Variants in DENND1A observed in about 807,000 individuals in gnomAD.
The protein encoded by DENND1A is DENN domain-containing protein 1A.
A neutral mutation model predicts 113.7 loss-of-function variants in DENND1A; 51 were observed. The ratio of observed to expected loss-of-function variants is 0.45; its 90% CI spans 0.36 to 0.57. DENND1A has a LOEUF of 0.57. DENND1A is among the 20% of genes least tolerant of loss of function. The pLI, the probability that DENND1A is intolerant of heterozygous loss-of-function variation, is 0.00. For missense variants in DENND1A, 1,258 were observed against 1,395.9 expected, an observed-to-expected ratio of 0.90 and a Z score of 1.57; for synonymous variants, 565 against 570.8, an observed-to-expected ratio of 0.99 and a Z score of 0.14.
intron 5 of DENND1A, among the ~76,000 whole-genome samples, chr9:123,720,671 T>C (rs555327456): frequency 1.3e-5 from 2 of 152,368 alleles, no homozygotes; most frequent in South Asian, 2.1e-4. Flanking sequence ...AACTTTATCA[T>C]TGCCAACACT....
chr9:123,619,117 T>C (rs1038957214), intron 10 of DENND1A, among the ~76,000 whole-genome samples: 5 of 152,000 alleles, frequency 3.3e-5, no homozygotes, highest in African/African-American at 1.2e-4. Flanking sequence ...CAGCTAATTT[T>C]TGCATTTTTA....
chr9:123,526,484 T>C (rs1415109132), intron 13 of DENND1A, among the ~76,000 whole-genome samples: 1 of 152,158 alleles, frequency 6.6e-6, no homozygotes, highest in Non-Finnish European at 1.5e-5. Context: ...ATGTCTTCCC[T>C]CAGCCCTACA....
intron 5 of DENND1A, among the ~76,000 whole-genome samples, chr9:123,720,257 A>G (rs1478162904): frequency 6.6e-6 from 1 of 152,180 alleles, no homozygotes; most frequent in Non-Finnish European, 1.5e-5. Flanking sequence ...TAAGTCTTGA[A>G]GATAACAACA....
At chr9:123,924,867 G>T (rs1304419924) in intron 1 of DENND1A, among the ~76,000 whole-genome samples, 1 of 152,124 alleles carries the variant, frequency 6.6e-6, no homozygotes, top group Non-Finnish European at 1.5e-5. Flanking sequence ...AATATGCCTA[G>T]GGTTTTCTTG....
rs1304292003 is a variant in DENND1A at position 123,383,787 on chromosome 9, G to A, written c.1887C>T (p.Ile629=). Residue 629 remains isoleucine, a synonymous_variant, in exon 23 of 24, where the codon ATC becomes ATT. Coordinates refer to ENST00000394215, the MANE Select transcript of DENND1A (RefSeq NM_001352964.2). ...VPAPPDRAAS[I]DLLEDVFSNL... ...TGCTGAAGACGTCTTCCAGAAGGTC[G>A]ATGCTGGCAGCCCGGTCAGGGGGAG... is the stretch of plus-strand genomic sequence containing the variant. 26 of 1,614,104 alleles carry A rather than the reference G, an allele frequency of 1.6e-5. No individual in the cohort carries two copies. Among genetic ancestry groups the A allele is most frequent in the Admixed American group, 3.3e-5 (2 of 60,024 alleles).
chr9:123,808,002 G>A (rs960995192), intron 2 of DENND1A, among the ~76,000 whole-genome samples: 1 of 152,204 alleles, frequency 6.6e-6, no homozygotes, highest in African/African-American at 2.4e-5. Flanking sequence ...AAGGCAGGAG[G>A]ATCCCTTGAG....
chr9:123,421,696 A>G (rs1442091477), intron 19 of DENND1A, among the ~76,000 whole-genome samples: 1 of 152,190 alleles, frequency 6.6e-6, no homozygotes, highest in Non-Finnish European at 1.5e-5. Flanking sequence ...TGCAACTAGG[A>G]AATGAGAAGA....
At chr9:123,570,278 G>C (rs1452396735) in intron 12 of DENND1A, among the ~76,000 whole-genome samples, 1 of 152,186 alleles carries the variant, frequency 6.6e-6, no homozygotes, top group African/African-American at 2.4e-5. Context: ...CTCTGAACTA[G>C]AAACATCCAG....
At chr9:123,755,912 G>C (rs962129924) in intron 5 of DENND1A, among the ~76,000 whole-genome samples, 1 of 152,102 alleles carries the variant, frequency 6.6e-6, no homozygotes, top group Non-Finnish European at 1.5e-5. Flanking sequence ...TGTGGGTTTT[G>C]TGTTGTTTTG....
At chr9:123,601,697 A>G (rs1046247906) in intron 11 of DENND1A, among the ~76,000 whole-genome samples, 3 of 152,254 alleles carry the variant, frequency 2.0e-5, no homozygotes, top group African/African-American at 7.2e-5. Context: ...TTGGCATAGT[A>G]TTTTTAAAAA....
chr9:123,693,659 T>C (rs1226814107), intron 5 of DENND1A, among the ~76,000 whole-genome samples: 2 of 152,096 alleles, frequency 1.3e-5, no homozygotes, highest in Non-Finnish European at 2.9e-5. Flanking sequence ...CAAGTTTTCA[T>C]GGCAATAGAG....
chr9:123,821,129 C>T (rs1838392596), intron 2 of DENND1A, among the ~76,000 whole-genome samples: 1 of 152,106 alleles, frequency 6.6e-6, no homozygotes, highest in African/African-American at 2.4e-5. Flanking sequence ...GAATATTGTT[C>T]CAGGTAAGTT....
At chr9:123,867,605 C>T (rs1031684189) in intron 2 of DENND1A, among the ~76,000 whole-genome samples, 7 of 152,096 alleles carry the variant, frequency 4.6e-5, no homozygotes, top group African/African-American at 1.7e-4. Context: ...TCTGTTTTGG[C>T]GGCCCAGCAT....
chr9:123,738,537 A>T (rs560627070), intron 5 of DENND1A, among the ~76,000 whole-genome samples: 118 of 151,926 alleles, frequency 7.8e-4, no homozygotes, highest in Non-Finnish European at 1.4e-3. Flanking sequence ...TTTTCAATAC[A>T]TCTACATACT....
At chr9:123,849,135 A>T (rs538967471) in intron 2 of DENND1A, among the ~76,000 whole-genome samples, 2 of 152,216 alleles carry the variant, frequency 1.3e-5, no homozygotes, top group Non-Finnish European at 2.9e-5. Flanking sequence ...AATGTAGATG[A>T]AACCACCTTA....
chr9:123,773,868 T>C (rs1830087474), intron 3 of DENND1A, among the ~76,000 whole-genome samples: 1 of 152,122 alleles, frequency 6.6e-6, no homozygotes, highest in Admixed American at 6.6e-5. Flanking sequence ...AAAAACATGG[T>C]GCAGGAAAAC....
intron 2 of DENND1A, among the ~76,000 whole-genome samples, chr9:123,857,377 G>A (rs1337908347): frequency 6.6e-6 from 1 of 152,164 alleles, no homozygotes. Flanking sequence ...TAAGAAAGGA[G>A]TAAGTCCAAA....
At chr9:123,471,135 G>A (rs1408430790) in intron 13 of DENND1A, among the ~76,000 whole-genome samples, 1 of 152,162 alleles carries the variant, frequency 6.6e-6, no homozygotes, top group East Asian at 1.9e-4. Context: ...TCTTTACGAG[G>A]TCTGCCACAA....
intron 4 of DENND1A, among the ~76,000 whole-genome samples, chr9:123,768,531 C>A (rs1165436266): frequency 6.6e-6 from 1 of 152,090 alleles, no homozygotes. Context: ...TTATAGCTTT[C>A]TTGGACCATA....
Sources: allele counts gnomAD v4.1 joint callset (sites outside exome capture counted in the v4.1 genomes callset), GRCh38; gene constraint gnomAD v4.1.1; transcripts MANE v1.5; gene names NCBI Gene and HGNC (gene_info 2026-07-23, HGNC 2026-07-21).